COL6A3: variants seen among roughly 807,000 people sequenced by gnomAD.
COL6A3 encodes collagen alpha-3(VI) chain.
COL6A3 carries 137 observed loss-of-function variants against 274.1 expected under a neutral mutation model. The observed-to-expected ratio is 0.50, with a 90% CI of 0.44 to 0.58. The LOEUF is 0.58. COL6A3 is among the 20% of genes least tolerant of loss of function. The probability of loss-of-function intolerance (pLI) is 0.00; values close to 1 mark genes in which losing one functional copy is unlikely to be tolerated. For synonymous variants in COL6A3, 1,650 were observed against 1,650.6 expected (o/e 1.00, Z 0.01); for missense variants, 3,950 against 4,124.9 (o/e 0.96, Z 1.16).
chr2:237,399,682 C>T (rs1278777228), intron 1 of COL6A3, among the ~76,000 whole-genome samples: 1 of 152,142 alleles, frequency 6.6e-6, no homozygotes, highest in Non-Finnish European at 1.5e-5. Context: ...CCCAGAATTC[C>T]CCAAACACAT....
intron 3 of COL6A3, among the ~76,000 whole-genome samples, chr2:237,388,615 C>A (rs577567905): frequency 2.6e-5 from 4 of 152,268 alleles, no homozygotes; most frequent in African/African-American, 9.6e-5. Context: ...AATTTTTGGT[C>A]ATTTCTCCTG....
chr2:237,368,589 A>G lies in COL6A3; in HGVS notation c.4874T>C (p.Val1625Ala). 2.5e-6 allele frequency: 4 copies of G among 1,614,018 alleles called. No individual in the cohort carries two copies. Among genetic ancestry groups the G allele is most frequent in the Non-Finnish European group, 3.4e-6 (4 of 1,179,974 alleles). ...TGGCCGTGAAGGAGGAGGGGTGTCC[A>G]CCCCTGGAGGTGCAGGAGTGGCTGC... is the stretch of plus-strand genomic sequence containing the variant. ...PSAATPAPPG[V>A]DTPPPSRPEK... Residue 1625 changes from valine to alanine, a missense_variant, in exon 10 of 44, where the codon GTG (valine) becomes GCG (alanine). Transcript: ENST00000295550. This position sits in a 1 kb window ranked among gnomAD's most constrained non-coding sequence, Gnocchi z 4.4.
intron 37 of COL6A3, 134 bp from the exon 38 acceptor site, chr2:237,341,284 G>A (rs886894754): frequency 8.2e-6 from 7 of 856,850 alleles, no homozygotes; most frequent in African/African-American, 3.3e-5. Flanking sequence ...GGTGGCTCAC[G>A]CCTGTAATCC....
chr2:237,404,697 C>T (rs2078678985), intron 1 of COL6A3, among the ~76,000 whole-genome samples: 1 of 152,158 alleles, frequency 6.6e-6, no homozygotes, highest in Non-Finnish European at 1.5e-5. Context: ...ATTCCCATAC[C>T]TCACACAGTG....
chr2:237,360,695 G>A (rs779139875), intron 16 of COL6A3, among the ~76,000 whole-genome samples: 6 of 152,224 alleles, frequency 3.9e-5, no homozygotes, highest in Admixed American at 6.5e-5. Flanking sequence ...CAAGACCCTC[G>A]GATACTGATG....
intron 42 of COL6A3, chr2:237,327,572 T>A (rs1700016231): frequency 6.6e-6 from 1 of 152,180 alleles, no homozygotes; most frequent in Non-Finnish European, 1.5e-5. Flanking sequence ...CTGTAAGATT[T>A]ACTAGTGGAA....
chr2:237,372,358 T>C (rs1358049179), intron 8 of COL6A3, 21 bp from the exon 9 acceptor site: 1 of 1,601,694 alleles, frequency 6.2e-7, no homozygotes, highest in South Asian at 1.1e-5. Context: ...AATGTGAGCA[T>C]GGCTTCACCT....
chr2:237,367,038 C>A lies in COL6A3; in HGVS notation c.5149G>T (p.Ala1717Ser). 3 of 1,614,210 alleles carry A rather than the reference C, an allele frequency of 1.9e-6. No individual in the cohort carries two copies. The highest frequency in any genetic ancestry group is 2.5e-6 in the Non-Finnish European group (3 of 1,180,042). The stretch of plus-strand genomic sequence containing the variant: ...TGCTCAAGGCCCACCTTAGTGTTGG[C>A]GTGTCTTCCCCCTTTGTAGACCACT... ...NKVVYKGGRH[A>S]NTKVGLEHLR... is the part of the protein sequence containing the mutation. The change falls in exon 11 of 44, where the codon GCC becomes TCC. Residue 1717 changes from alanine (A) to serine (S), a missense_variant. This residue lies in a region of COL6A3 where 632 missense variants were observed against 623.4 expected (regional missense o/e 1.01). Transcript: ENST00000295550.
chr2:237,351,418 C>T (rs1424729339), intron 26 of COL6A3, among the ~76,000 whole-genome samples: 1 of 152,246 alleles, frequency 6.6e-6, no homozygotes, highest in African/African-American at 2.4e-5. Flanking sequence ...TATTACCTCT[C>T]AGTGCCAGTT....
At chr2:237,350,337 A>G in intron 27 of COL6A3, 128 bp from the exon 28 acceptor site, 1 of 816,736 alleles carries the variant, frequency 1.2e-6, no homozygotes, top group Non-Finnish European at 2.1e-6. Context: ...TTTCGGTGGA[A>G]TGATTTTCTA....
At chr2:237,350,921 G>T (rs2077192751) in intron 27 of COL6A3, among the ~76,000 whole-genome samples, 2 of 152,256 alleles carry the variant, frequency 1.3e-5, no homozygotes, top group Non-Finnish European at 2.9e-5. Context: ...AGCAGAGATG[G>T]TTGGTGGCAG....
intron 6 of COL6A3, among the ~76,000 whole-genome samples, chr2:237,378,273 C>A (rs987682086): frequency 5.9e-5 from 9 of 152,074 alleles, no homozygotes; most frequent in Admixed American, 5.9e-4. Context: ...TTAAATAATC[C>A]CAAGGCATAT....
chr2:237,351,674 G>T (rs1411409506), intron 26 of COL6A3, among the ~76,000 whole-genome samples: 2 of 152,210 alleles, frequency 1.3e-5, no homozygotes, highest in African/African-American at 4.8e-5. Flanking sequence ...TGGTGAAAAA[G>T]TGCAAATTAA....
intron 6 of COL6A3, 106 bp downstream of exon 6, chr2:237,378,530 T>C (rs566227975): frequency 1.2e-5 from 18 of 1,525,702 alleles, no homozygotes; most frequent in South Asian, 3.4e-5. Flanking sequence ...AGGGAGCCAA[T>C]TGTCTTTGTA....
chr2:237,379,105 A>T lies in COL6A3; in HGVS notation c.2028T>A (p.Ile676=). The part of the protein sequence containing the change: ...VNSLDIGNDN[I]RVGLVQFSDT... Reference sequence around the variant, plus strand: ...CACTAAATTGCACTAAACCAACACGAATATTGTCATTTCCAATATCAAGGC... The same window carrying T: ...CACTAAATTGCACTAAACCAACACGTATATTGTCATTTCCAATATCAAGGC... The change falls in exon 6 of 44, where the codon ATT becomes ATA. Residue 676 remains isoleucine, a synonymous_variant. Transcript: ENST00000295550. The T allele has an allele frequency of 6.2e-7, 1 of 1,614,230 alleles. No individual in the cohort carries two copies.
At chr2:237,331,091 G>A (rs1354147619) in intron 42 of COL6A3, among the ~76,000 whole-genome samples, 1 of 152,058 alleles carries the variant, frequency 6.6e-6, no homozygotes, top group Non-Finnish European at 1.5e-5. Flanking sequence ...GAAAGTAAGA[G>A]GAATGAAAAT....
intron 24 of COL6A3, among the ~76,000 whole-genome samples, chr2:237,353,700 C>T (rs561936756): frequency 2.3e-4 from 35 of 152,216 alleles, no homozygotes; most frequent in Non-Finnish European, 3.7e-4. Context: ...CGGGAAGTTG[C>T]GGGTTGCTGA....
At position 237,344,843 on chromosome 2, in the gene COL6A3, C is replaced by G. The variant is rs758290255; in HGVS notation, c.7175G>C (p.Gly2392Ala). ...TGGGAAGACGGGGCACTCCAGGGGCCCTGTGGAAAGTAGAGGGTGGAGGGT... is the reference window on the plus strand; with the variant it reads ...TGGGAAGACGGGGCACTCCAGGGGCGCTGTGGAAAGTAGAGGGTGGAGGGT... ...SIKDKCPCCY[G>A]PLECPVFPTE... is the part of the protein sequence containing the mutation. The change falls in exon 36 of 44, where the codon GGG becomes GCG. Residue 2392 changes from glycine to alanine, a missense_variant and splice_region_variant. Around this residue, in one of 5 missense-constraint regions of COL6A3, gnomAD observed 1,284 missense variants for 1,349.7 expected, o/e 0.95. Coordinates refer to ENST00000295550, the MANE Select transcript of COL6A3 (RefSeq NM_004369.4). This position sits in a 1 kb window ranked among gnomAD's most constrained non-coding sequence, Gnocchi z 4.8. 2 of 1,613,234 alleles carry G rather than the reference C, an allele frequency of 1.2e-6. No homozygotes were observed. The highest frequency in any genetic ancestry group is 1.7e-6 in the Non-Finnish European group (2 of 1,180,024).
At chr2:237,351,041 G>A in intron 27 of COL6A3, 89 bp downstream of exon 27, 1 of 1,267,566 alleles carries the variant, frequency 7.9e-7, no homozygotes. Context: ...TGAAGAGGAG[G>A]GACAGACAGA....
Sources: allele counts gnomAD v4.1 joint callset (sites outside exome capture counted in the v4.1 genomes callset), GRCh38; gene constraint gnomAD v4.1.1; regional missense constraint gnomAD v4.1.1; non-coding constraint Gnocchi (gnomAD v3.1); transcripts MANE v1.5; gene names NCBI Gene and HGNC (gene_info 2026-07-23, HGNC 2026-07-21).